Variants in CCDC33 observed in about 807,000 individuals in gnomAD.
CCDC33 encodes coiled-coil domain-containing protein 33.
In CCDC33, 94 loss-of-function variants were observed where a neutral mutation model predicts 91.9. The observed-to-expected ratio is 1.02, with a 90% CI of 0.87 to 1.21. The LOEUF (loss-of-function observed/expected upper bound fraction) is 1.21, where lower values mean the gene tolerates loss of function less well. Ranked by LOEUF, CCDC33 falls within the 50% of genes most tolerant of loss-of-function variation. CCDC33 has a pLI of 0.00. For missense variants in CCDC33, 940 were observed against 935.5 expected (o/e 1.00, Z -0.06); for synonymous variants, 396 against 374.5 (o/e 1.06, Z -0.66).
chr15:74,235,999 C>T (rs1025178525), upstream of CCDC33, among the ~76,000 whole-genome samples: 10 of 152,170 alleles, frequency 6.6e-5, no homozygotes, highest in Admixed American at 2.6e-4. Flanking sequence ...CAAAGAGGCA[C>T]GATGGCTGGT....
At chr15:74,239,574 G>A (rs2075282579) in intron 1 of CCDC33, among the ~76,000 whole-genome samples, 1 of 152,154 alleles carries the variant, frequency 6.6e-6, no homozygotes, top group African/African-American at 2.4e-5. Context: ...TTGGAATCAG[G>A]CTTGCTTCGG....
At chr15:74,210,191 C>G (rs550332160) in intron 2 of CCDC33, among the ~76,000 whole-genome samples, 1 of 152,312 alleles carries the variant, frequency 6.6e-6, no homozygotes, top group Admixed American at 6.5e-5. Flanking sequence ...CTTTGGCACA[C>G]TTTTAGGAAT....
At chr15:74,333,343 A>G (rs185151344) in intron 16 of CCDC33, 148 of 1,546,458 alleles carry the variant, frequency 9.6e-5, no homozygotes, top group Non-Finnish European at 1.2e-4. Flanking sequence ...CAGGGCCCAG[A>G]AATGCCCAGG....
chr15:74,264,120 G>T (rs891868560), intron 3 of CCDC33, among the ~76,000 whole-genome samples: 3 of 149,524 alleles, frequency 2.0e-5, no homozygotes, highest in Admixed American at 6.8e-5. Flanking sequence ...GGCAGGCAGG[G>T]AATATTGGCA....
At chr15:74,284,228 G>A (rs1392997641) in intron 10 of CCDC33, among the ~76,000 whole-genome samples, 1 of 152,174 alleles carries the variant, frequency 6.6e-6, no homozygotes, top group Non-Finnish European at 1.5e-5. Context: ...AGCATGCAAG[G>A]CAAGAAGTAG....
intron 3 of CCDC33, 108 bp downstream of exon 3, chr15:74,262,681 A>G: frequency 8.1e-7 from 1 of 1,239,616 alleles, no homozygotes; most frequent in Non-Finnish European, 1.1e-6. Context: ...AGCCACCTGA[A>G]CACCTCCTTG....
intron 11 of CCDC33, among the ~76,000 whole-genome samples, chr15:74,315,966 A>T (rs1266236822): frequency 1.3e-5 from 2 of 151,908 alleles, no homozygotes; most frequent in Non-Finnish European, 2.9e-5. Flanking sequence ...CTCCCTCCCC[A>T]CTCCAGCCAG....
At chr15:74,203,237 A>G in intron 1 of CCDC33, 3 of 983,766 alleles carry the variant, frequency 3.0e-6, no homozygotes, top group Middle Eastern at 1.0e-3. Flanking sequence ...TTGATTTCAC[A>G]AGGAGATAAC....
intron 2 of CCDC33, among the ~76,000 whole-genome samples, chr15:74,246,135 G>A (rs940782612): frequency 6.6e-6 from 1 of 152,168 alleles, no homozygotes; most frequent in African/African-American, 2.4e-5. Context: ...GAAAGTTTTC[G>A]TTTTGTTCAT....
chr15:74,226,913 T>A (rs1426265125), intron 2 of CCDC33, among the ~76,000 whole-genome samples: 1 of 144,382 alleles, frequency 6.9e-6, no homozygotes, highest in African/African-American at 2.6e-5. Context: ...AAACAGGAGG[T>A]GGAGAGAGCT....
At chr15:74,297,854 C>T (rs896313519) in intron 11 of CCDC33, among the ~76,000 whole-genome samples, 10 of 152,212 alleles carry the variant, frequency 6.6e-5, no homozygotes, top group East Asian at 1.9e-4. Flanking sequence ...TCAGCTGCCC[C>T]GGAGGGGCCA....
upstream of CCDC33, among the ~76,000 whole-genome samples, chr15:74,214,083 T>G: frequency 6.7e-6 from 1 of 148,182 alleles, no homozygotes; most frequent in African/African-American, 2.5e-5. Context: ...GAGTTGGAGG[T>G]GGATCGTTGA....
intron 11 of CCDC33, among the ~76,000 whole-genome samples, chr15:74,324,529 G>T (rs550458158): frequency 1.3e-5 from 2 of 151,988 alleles, no homozygotes; most frequent in South Asian, 4.2e-4. Context: ...GCCTGCTCTC[G>T]CCGCTTTTCC....
At chr15:74,315,149 G>A (rs537367449) in intron 11 of CCDC33, among the ~76,000 whole-genome samples, 7 of 152,334 alleles carry the variant, frequency 4.6e-5, no homozygotes, top group South Asian at 2.1e-4. Flanking sequence ...AGTGGAGGCC[G>A]TTGCAGGGGA....
upstream of CCDC33, among the ~76,000 whole-genome samples, chr15:74,232,055 C>T (rs796543524): frequency 4.1e-4 from 62 of 152,134 alleles, no homozygotes; most frequent in African/African-American, 1.4e-3. Context: ...ACTCCGGGAG[C>T]GTAAATGTGA....
intron 3 of CCDC33, among the ~76,000 whole-genome samples, chr15:74,262,899 A>C (rs2076065944): frequency 6.6e-6 from 1 of 152,094 alleles, no homozygotes; most frequent in African/African-American, 2.4e-5. Flanking sequence ...ACGTCCCCAC[A>C]CATCACTCAT....
At chr15:74,222,866 C>T (rs957607209) in intron 2 of CCDC33, among the ~76,000 whole-genome samples, 2 of 151,054 alleles carry the variant, frequency 1.3e-5, no homozygotes, top group East Asian at 2.0e-4. Context: ...GCTCTCCCAG[C>T]CCCAGGCATC....
intron 15 of CCDC33, 63 bp from the exon 16 acceptor site, chr15:74,332,616 T>A: frequency 6.4e-7 from 1 of 1,572,910 alleles, no homozygotes; most frequent in East Asian, 2.3e-5. Context: ...CTGGAGCAGA[T>A]CAGGACAGGG....
intron 2 of CCDC33, among the ~76,000 whole-genome samples, chr15:74,230,398 A>T (rs1024885719): frequency 6.6e-6 from 1 of 152,156 alleles, no homozygotes; most frequent in Non-Finnish European, 1.5e-5. Context: ...AGGCAGCTTC[A>T]TTGCTCACTC....
Sources: allele counts gnomAD v4.1 joint callset (sites outside exome capture counted in the v4.1 genomes callset), GRCh38; gene constraint gnomAD v4.1.1; transcripts MANE v1.5; gene names NCBI Gene and HGNC (gene_info 2026-07-23, HGNC 2026-07-21).